Variants in DISP2 observed in about 807,000 individuals in gnomAD.
The protein encoded by DISP2 is dispatched RND transporter family member 2, also known as protein dispatched homolog 2.
A neutral mutation model predicts 95.5 loss-of-function variants in DISP2; 59 were observed. The ratio of observed to expected loss-of-function variants is 0.62; its 90% CI spans 0.50 to 0.77. The LOEUF (loss-of-function observed/expected upper bound fraction) is 0.77. DISP2 is among the 30% of genes least tolerant of loss of function. The probability of loss-of-function intolerance (pLI) is 0.00; values close to 1 mark genes in which losing one functional copy is unlikely to be tolerated. For synonymous variants in DISP2, 827 were observed against 815.0 expected, an observed-to-expected ratio of 1.01 and a Z score of -0.25; for missense variants, 1,752 against 1,854.6, an observed-to-expected ratio of 0.94 and a Z score of 1.02.
At position 40,365,829 on chromosome 15, in the gene DISP2, G is replaced by A. The variant is rs1183528152; in HGVS notation, c.945+104G>A. ...AGCCAGGACTGCCAGGGGGTGGACT[G>A]GGGAAGAGCATTCCCTGCTTAGAAA... On this transcript the variant is annotated intron_variant, in intron 7 of 7. Transcript: ENST00000267889. 8.7e-6 allele frequency: 10 copies of A among 1,144,206 alleles called. No individual in the cohort carries two copies. In the East Asian group the frequency reaches 1.7e-4, roughly 19 times the overall value. 70.9% of individuals were successfully genotyped at this position (1,144,206 alleles called of 1,614,324 possible).
Position 40,364,234 on chromosome 15 carries a change from G to T in DISP2, c.458G>T (p.Arg153Leu). The part of the protein sequence containing the change: ...QHHVVSVRQE[R>L]AFQMPKSYSQ... ...TTTCTTCTCTTCCACAGGCAGGAAC[G>T]AGCCTTCCAGATGCCAAAGAGGTAG... Residue 153 changes from arginine (R) to leucine (L), a missense_variant, in exon 3 of 8, where the codon CGA becomes CTA. Transcript: ENST00000267889. 6.2e-7 allele frequency: 1 copy of T among 1,614,064 alleles called. No homozygotes were observed. The highest frequency in any genetic ancestry group is 8.5e-7 in the Non-Finnish European group (1 of 1,180,024).
In DISP2 at chr15:40,378,306, T is replaced by C. The variant is rs1889757688; in HGVS notation, c.*7988T>C. 1 of 152,100 alleles carries C rather than the reference T, an allele frequency of 6.6e-6. No individual in the cohort carries two copies. Among genetic ancestry groups the C allele is most frequent in the Non-Finnish European group, 1.5e-5 (1 of 68,016 alleles). 9.4% of individuals were successfully genotyped at this position (152,100 alleles called of 1,614,324 possible). A position where few individuals can be genotyped will look rare whatever the true frequency, so the allele number is the denominator to read the frequency against. ...TGAATTTTAGAGACGAAAACTAAAA[T>C]GTCTGAGATGATGGGGTGGGTGGGG... On this transcript the variant is annotated 3_prime_UTR_variant, in exon 8 of 8. Transcript: ENST00000267889.
chr15:40,360,144 C>T (rs1185696072), intron 1 of DISP2, among the ~76,000 whole-genome samples: 4 of 152,308 alleles, frequency 2.6e-5, no homozygotes, highest in African/African-American at 9.6e-5. Context: ...GGCCTGCATC[C>T]CCACTTTCCA....
In DISP2 at chr15:40,368,302, C is replaced by T. The variant is rs1176670147; in HGVS notation, c.2190C>T (p.Pro730=). The T allele has an allele frequency of 5.0e-6, 8 of 1,605,082 alleles. No homozygotes were observed. The East Asian group carries it at 1.6e-4, about 31-fold the overall frequency. Residue 730 remains proline, a synonymous_variant, in exon 8 of 8, where the codon CCC becomes CCT. Coordinates refer to ENST00000267889, the MANE Select transcript of DISP2 (RefSeq NM_033510.3). ...GAGTCAGCCCCCGCCTGCGGCTGCCCACGCTGCCGCCGCCCGGCGGCCAGG... is the reference window on the plus strand; with the variant it reads ...GAGTCAGCCCCCGCCTGCGGCTGCCTACGCTGCCGCCGCCCGGCGGCCAGG... ...IAGVSPRLRL[P]TLPPPGGQVF...
Position 40,371,532 on chromosome 15 carries a change from G to C in DISP2, c.*1214G>C, listed in dbSNP as rs949566565. 1.3e-5 allele frequency: 2 copies of C among 152,298 alleles called. No homozygotes were observed. Among genetic ancestry groups the C allele is most frequent in the African/African-American group, 4.8e-5 (2 of 41,462 alleles). 9.4% of individuals were successfully genotyped at this position (152,298 alleles called of 1,614,324 possible). On this transcript the variant is annotated 3_prime_UTR_variant, in exon 8 of 8. Transcript: ENST00000267889. ...CCACCAGAAGAGGTACTGAGGGGCA[G>C]AAGAGGTGAAGCCAAATCCAATCAA...
chr15:40,362,847 A>G (rs1439341811), intron 1 of DISP2, among the ~76,000 whole-genome samples: 1 of 152,234 alleles, frequency 6.6e-6, no homozygotes, highest in African/African-American at 2.4e-5. Flanking sequence ...CACGTGCTCA[A>G]TAATCTGTCT....
rs1273739414 is a variant in DISP2 at position 40,378,221 on chromosome 15, T to C, written c.*7903T>C. On this transcript the variant is annotated 3_prime_UTR_variant, in exon 8 of 8. Transcript: ENST00000267889. The stretch of plus-strand genomic sequence containing the variant: ...TAGACAAGGACACTAAAAGAATTAT[T>C]ATAACTGTATTCCATATGTACTAAG... 2.0e-5 allele frequency: 3 copies of C among 152,234 alleles called. No individual in the cohort carries two copies. The highest frequency in any genetic ancestry group is 2.9e-5 in the Non-Finnish European group (2 of 68,042). 9.4% of individuals were successfully genotyped at this position (152,234 alleles called of 1,614,324 possible).
rs774939263 is a variant in DISP2 at position 40,368,401 on chromosome 15, G to A, written c.2289G>A (p.Pro763=). The change falls in exon 8 of 8, where the codon CCG becomes CCA. Residue 763 remains proline (P), a synonymous_variant. Coordinates refer to ENST00000267889, the MANE Select transcript of DISP2 (RefSeq NM_033510.3). ...YRQLFLFEQL[P]QGEGGHMPVV... is the part of the protein sequence containing the mutation. Reference sequence around the variant, plus strand: ...AGCTGTTCCTGTTCGAGCAGCTGCCGCAGGGCGAGGGCGGCCACATGCCCG... The same window carrying A: ...AGCTGTTCCTGTTCGAGCAGCTGCCACAGGGCGAGGGCGGCCACATGCCCG... 6 of 1,608,390 alleles carry A rather than the reference G, an allele frequency of 3.7e-6. No homozygotes were observed. The highest frequency in any genetic ancestry group is 5.1e-6 in the Non-Finnish European group (6 of 1,179,820).
rs748705537 is a variant in DISP2, at chr15:40,371,765, C to A, written c.*1447C>A. The stretch of plus-strand genomic sequence containing the variant: ...GTGGCATCAACATGTTTATTGAACA[C>A]CTACTTTGCATATGGTATTACAAGG... On this transcript the variant is annotated 3_prime_UTR_variant, in exon 8 of 8. Transcript: ENST00000267889. 6.6e-6 allele frequency: 1 copy of A among 152,168 alleles called. No individual in the cohort carries two copies. The highest frequency in any genetic ancestry group is 1.5e-5 in the Non-Finnish European group (1 of 68,034). The allele number at this position is 152,168 out of a possible 1,614,324, so 9.4% of individuals were successfully genotyped here. A position where few individuals can be genotyped will look rare whatever the true frequency, so the allele number is the denominator to read the frequency against.
chr15:40,360,980 T>C (rs1332826538), intron 1 of DISP2, among the ~76,000 whole-genome samples: 1 of 152,136 alleles, frequency 6.6e-6, no homozygotes, highest in African/African-American at 2.4e-5. Context: ...CTTAAAGAGG[T>C]CTATGTCCAC....
chr15:40,370,518 A>C lies in DISP2; in HGVS notation c.*200A>C. 2 of 1,071,074 alleles carry C rather than the reference A, an allele frequency of 1.9e-6. No individual in the cohort carries two copies. The highest frequency in any genetic ancestry group is 2.0e-5 in the Admixed American group (1 of 49,406). 66.3% of individuals were successfully genotyped at this position (1,071,074 alleles called of 1,614,324 possible). A position where few individuals can be genotyped will look rare whatever the true frequency, so the allele number is the denominator to read the frequency against. Reference sequence around the variant, plus strand: ...CTCCTCACATCTGGAGGATTCCAGCAGGAGGGGTTTTGGAGGGGACCTGCT... The same window carrying C: ...CTCCTCACATCTGGAGGATTCCAGCCGGAGGGGTTTTGGAGGGGACCTGCT... On this transcript the variant is annotated 3_prime_UTR_variant, in exon 8 of 8. Coordinates refer to ENST00000267889, the MANE Select transcript of DISP2 (RefSeq NM_033510.3).
chr15:40,371,701 T>C lies in DISP2; in HGVS notation c.*1383T>C, dbSNP rs1889648103. On this transcript the variant is annotated 3_prime_UTR_variant, in exon 8 of 8. Transcript: ENST00000267889. ...GGTTCCTCCTTCCCAAACTTCCTGG[T>C]AGGGAAGTTTTATCCCATGTGAGAG... The C allele has an allele frequency of 6.6e-6, 1 of 152,176 alleles. No individual in the cohort carries two copies. Among genetic ancestry groups the C allele is most frequent in the Non-Finnish European group, 1.5e-5 (1 of 68,030 alleles). The allele number at this position is 152,176 out of a possible 1,614,324, so 9.4% of individuals were successfully genotyped here.
Position 40,377,344 on chromosome 15 carries a change from G to C in DISP2, c.*7026G>C, listed in dbSNP as rs1345847183. On this transcript the variant is annotated 3_prime_UTR_variant, in exon 8 of 8. Coordinates refer to ENST00000267889, the MANE Select transcript of DISP2 (RefSeq NM_033510.3). The stretch of plus-strand genomic sequence containing the variant: ...AAAAAAAAAAAATTTTTGACTGAAA[G>C]TACAGATACAACTTCCCTTTCCAGC... 1 of 151,350 alleles carries C rather than the reference G, an allele frequency of 6.6e-6. No homozygotes were observed. The highest frequency in any genetic ancestry group is 1.5e-5 in the Non-Finnish European group (1 of 67,886). The allele number at this position is 151,350 out of a possible 1,614,324, so 9.4% of individuals were successfully genotyped here.
rs1889711757 is a variant in DISP2, at chr15:40,375,037, TCACCCTTTCTACCCA to T, written c.*4727_*4741del. On this transcript the variant is annotated 3_prime_UTR_variant, in exon 8 of 8. Transcript: ENST00000267889. ...TGGTGATAGGAAAGACAGACATTCC[TCACCCTTTCTACCCA>T]CACCCTTGTTCACAGGGATGACTGT... The T allele has an allele frequency of 1.3e-5, 2 of 152,248 alleles. No individual in the cohort carries two copies. Among genetic ancestry groups the T allele is most frequent in the Non-Finnish European group, 2.9e-5 (2 of 68,056 alleles). 9.4% of individuals were successfully genotyped at this position (152,248 alleles called of 1,614,324 possible). A position where few individuals can be genotyped will look rare whatever the true frequency, so the allele number is the denominator to read the frequency against.
chr15:40,367,790 C>T lies in DISP2; in HGVS notation c.1678C>T (p.Leu560Phe). 1.2e-6 allele frequency: 2 copies of T among 1,608,172 alleles called. No individual in the cohort carries two copies. The highest frequency in any genetic ancestry group is 1.7e-6 in the Non-Finnish European group (2 of 1,180,008). The change falls in exon 8 of 8, where the codon CTC becomes TTC. Residue 560 changes from leucine (L) to phenylalanine (F), a missense_variant. By Grantham distance (22) the Leu-to-Phe change is conservative (BLOSUM62 0). Coordinates refer to ENST00000267889, the MANE Select transcript of DISP2 (RefSeq NM_033510.3). The stretch of plus-strand genomic sequence containing the variant: ...GAGCAGCGTCTGCGCCAACCACACG[C>T]TCATCTTCTTCGACCTGTGGCGCCT... ...LLSSVCANHT[L>F]IFFDLWRLSK...
At position 40,369,219 on chromosome 15, in the gene DISP2, A is replaced by G; in HGVS notation, c.3107A>G (p.Tyr1036Cys). ...CTCTCAGTAGACTTCACTGTCAACTACTGCATCTCCTATCACCTGTGCCCA... is the reference window on the plus strand; with the variant it reads ...CTCTCAGTAGACTTCACTGTCAACTGCTGCATCTCCTATCACCTGTGCCCA... ...VGLSVDFTVN[Y>C]CISYHLCPHP... Residue 1036 changes from tyrosine to cysteine, a missense_variant, in exon 8 of 8, where the codon TAC (tyrosine) becomes TGC (cysteine). This residue lies in a region of DISP2 where 317 missense variants were observed against 394.9 expected (regional missense o/e 0.80). Transcript: ENST00000267889. 1 of 1,613,892 alleles carries G rather than the reference A, an allele frequency of 6.2e-7. No homozygotes were observed. Among genetic ancestry groups the G allele is most frequent in the Non-Finnish European group, 8.5e-7 (1 of 1,180,020 alleles).
Position 40,358,390 on chromosome 15 carries a change from G to A in DISP2, c.69G>A (p.Glu23=). 7.4e-7 allele frequency: 1 copy of A among 1,357,354 alleles called. No individual in the cohort carries two copies. The allele number at this position is 1,357,354 out of a possible 1,614,324, so 84.1% of individuals were successfully genotyped here. ...GPAPGPGPEG[E]QRPEGEPLAP... ...CTCCCGGCCCGGGTCCGGAAGGGGA[G>A]CAACGGCCCGAGGGGGAGCCCTTGG... The change falls in exon 1 of 8, where the codon GAG becomes GAA. Residue 23 remains glutamate (E), a synonymous_variant. Transcript: ENST00000267889.
At position 40,371,459 on chromosome 15, in the gene DISP2, C is replaced by T. The variant is rs1315696542; in HGVS notation, c.*1141C>T. Reference sequence around the variant, plus strand: ...GGGGCGTCCTAGCTGACCTGATTCCCAGGCTTCAGGACCGTGCCTCTTCTA... The same window carrying T: ...GGGGCGTCCTAGCTGACCTGATTCCTAGGCTTCAGGACCGTGCCTCTTCTA... On this transcript the variant is annotated 3_prime_UTR_variant, in exon 8 of 8. Coordinates refer to ENST00000267889, the MANE Select transcript of DISP2 (RefSeq NM_033510.3). 1 of 152,318 alleles carries T rather than the reference C, an allele frequency of 6.6e-6. No homozygotes were observed. The highest frequency in any genetic ancestry group is 1.5e-5 in the Non-Finnish European group (1 of 68,100). The allele number at this position is 152,318 out of a possible 1,614,324, so 9.4% of individuals were successfully genotyped here. A position where few individuals can be genotyped will look rare whatever the true frequency, so the allele number is the denominator to read the frequency against.
chr15:40,364,954 G>A lies in DISP2; in HGVS notation c.719+1G>A, dbSNP rs1889472914. 5 of 1,613,906 alleles carry A rather than the reference G, an allele frequency of 3.1e-6. No homozygotes were observed. The highest frequency in any genetic ancestry group is 1.3e-5 in the African/African-American group (1 of 75,028). ...TTTCCCCAGACCTTGAGCTGAACAG[G>A]TAACAGGCTCTCATCTTTTCACTGT... On this transcript the variant is annotated splice_donor_variant, in intron 5 of 7. Transcript: ENST00000267889. LOFTEE classifies it high-confidence loss of function.
Sources: allele counts gnomAD v4.1 joint callset (sites outside exome capture counted in the v4.1 genomes callset), GRCh38; gene constraint gnomAD v4.1.1; regional missense constraint gnomAD v4.1.1; transcripts MANE v1.5; gene names NCBI Gene and HGNC (gene_info 2026-07-23, HGNC 2026-07-21).